Variants in HIPK2 observed in about 807,000 individuals in gnomAD.
HIPK2 encodes the protein homeodomain interacting protein kinase 2.
Under a neutral mutation model 113.7 loss-of-function variants are expected in HIPK2, and 27 were observed. The ratio of observed to expected loss-of-function variants is 0.24; its 90% CI spans 0.17 to 0.33. The LOEUF (loss-of-function observed/expected upper bound fraction) is 0.33, where lower values mean the gene tolerates loss of function less well. Among genes scored for constraint, HIPK2 ranks in the 10% least tolerant of loss-of-function variants. The pLI, the probability that HIPK2 is intolerant of heterozygous loss-of-function variation, is 1.00. For synonymous variants in HIPK2, 631 were observed against 642.2 expected, an observed-to-expected ratio of 0.98 and a Z score of 0.26; for missense variants, 1,257 against 1,588.0, an observed-to-expected ratio of 0.79 and a Z score of 3.54.
In HIPK2 at chr7:139,716,211, A is replaced by G. The variant is rs1795232308; in HGVS notation, c.824T>C (p.Leu275Ser). 1 of 1,614,060 alleles carries G rather than the reference A, an allele frequency of 6.2e-7. No homozygotes were observed. The highest frequency in any genetic ancestry group is 8.5e-7 in the Non-Finnish European group (1 of 1,179,898). ...GTTCTGCTCCAACATCTCGAAGACCAAGCACGTGTGGTTCTTGTGCTGGAA... is the reference window on the plus strand; with the variant it reads ...GTTCTGCTCCAACATCTCGAAGACCGAGCACGTGTGGTTCTTGTGCTGGAA... The part of the protein sequence containing the change: ...ECFQHKNHTC[L>S]VFEMLEQNLY... The change falls in exon 2 of 15, where the codon TTG becomes TCG. Residue 275 changes from leucine to serine, a missense_variant. Transcript: ENST00000406875. This position sits in a 1 kb window ranked among gnomAD's most constrained non-coding sequence, Gnocchi z 9.3.
At chr7:139,649,436 A>C (rs6969911) in intron 2 of HIPK2, among the ~76,000 whole-genome samples, 19,031 of 152,166 alleles carry the variant, frequency 0.13, 1,377 homozygotes, top group South Asian at 0.2. Flanking sequence ...CTAGGGGAAA[A>C]CACACTGGGG....
At chr7:139,681,525 C>T (rs1802699031) in intron 2 of HIPK2, among the ~76,000 whole-genome samples, 1 of 152,180 alleles carries the variant, frequency 6.6e-6, no homozygotes, top group Admixed American at 6.5e-5. Context: ...GCTGCACTCC[C>T]CTCGCCTCCT....
At chr7:139,616,463 C>T (rs1800046764) in intron 7 of HIPK2, among the ~76,000 whole-genome samples, 1 of 152,170 alleles carries the variant, frequency 6.6e-6, no homozygotes, top group South Asian at 2.1e-4. Flanking sequence ...AGACTTATCT[C>T]CCTCTGCTCT....
chr7:139,624,771 C>G (rs1215140324), intron 6 of HIPK2, among the ~76,000 whole-genome samples: 3 of 152,198 alleles, frequency 2.0e-5, no homozygotes, highest in Non-Finnish European at 4.4e-5. Flanking sequence ...GTCAATCTGT[C>G]TTCTTCTCTT....
intron 1 of HIPK2, among the ~76,000 whole-genome samples, chr7:139,774,696 ACTTGG>A (rs1324644105): frequency 6.6e-6 from 1 of 152,164 alleles, no homozygotes; most frequent in Non-Finnish European, 1.5e-5. Flanking sequence ...AACATAAATA[ACTTGG>A]AATTTAGGCT....
chr7:139,620,530 G>A lies in HIPK2; in HGVS notation c.1653C>T (p.Cys551=), dbSNP rs748915910. The change falls in exon 7 of 15, where the codon TGC becomes TGT. Residue 551 remains cysteine, a synonymous_variant. Transcript: ENST00000406875. The stretch of plus-strand genomic sequence containing the variant: ...TGTCATACATATTCACCCGACGCTT[G>A]CAGATCTCCATGTTCTGGAAACATG... ...VKSCFQNMEI[C]KRRVNMYDTV... is the part of the protein sequence containing the mutation. 2.5e-6 allele frequency: 4 copies of A among 1,614,042 alleles called. No homozygotes were observed. The highest frequency in any genetic ancestry group is 2.2e-5 in the East Asian group (1 of 44,890).
intron 2 of HIPK2, among the ~76,000 whole-genome samples, chr7:139,701,210 G>T (rs1794696948): frequency 6.6e-6 from 1 of 152,184 alleles, no homozygotes; most frequent in African/African-American, 2.4e-5. Context: ...AAGTCGGGTG[G>T]TGTCTGGAGA....
intron 2 of HIPK2, among the ~76,000 whole-genome samples, chr7:139,639,664 C>T (rs1800937143): frequency 1.3e-5 from 2 of 152,100 alleles, no homozygotes; most frequent in African/African-American, 4.8e-5. Context: ...GGGGTGGCTA[C>T]CACACACAGA....
At chr7:139,767,218 ATT>A (rs1796567346) in intron 1 of HIPK2, among the ~76,000 whole-genome samples, 1 of 152,384 alleles carries the variant, frequency 6.6e-6, no homozygotes, top group African/African-American at 2.4e-5. Flanking sequence ...GACCTACTGA[ATT>A]AGAGACTCTG....
At chr7:139,573,471 A>T in intron 14 of HIPK2, 74 bp from the exon 15 acceptor site, 1 of 1,357,800 alleles carries the variant, frequency 7.4e-7, no homozygotes, top group Non-Finnish European at 1.0e-6. Context: ...GAGGGGCAGG[A>T]GGGCAGGGAG....
rs527513456 is a variant in HIPK2, at chr7:139,608,558, T to C, written c.2113-4335A>G. Among the ~76,000 whole-genome samples, 41 of 152,230 alleles carry C rather than the reference T, an allele frequency of 2.7e-4. No individual in the cohort carries two copies. In the South Asian group the frequency reaches 8.1e-3, roughly 30 times the overall value. ...CAAAAATAACTTCCCCAAAGCCATA[T>C]AGCCAGTAAGTGGTGAGGCAGCCAT... is the stretch of plus-strand genomic sequence containing the variant. On this transcript the variant is annotated intron_variant, in intron 9 of 14. Coordinates refer to ENST00000406875, the MANE Select transcript of HIPK2 (RefSeq NM_022740.5).
intron 9 of HIPK2, among the ~76,000 whole-genome samples, chr7:139,609,525 T>C (rs1249990131): frequency 6.6e-5 from 10 of 152,250 alleles, no homozygotes; most frequent in Non-Finnish European, 8.8e-5. Context: ...TGTCAACTTT[T>C]TGAATACATT....
intron 2 of HIPK2, among the ~76,000 whole-genome samples, chr7:139,676,201 T>C (rs1294648088): frequency 6.6e-6 from 1 of 152,184 alleles, no homozygotes; most frequent in African/African-American, 2.4e-5. Context: ...CATCTACTCA[T>C]CTCTGCTGAC....
chr7:139,669,873 G>A (rs560343904), intron 2 of HIPK2, among the ~76,000 whole-genome samples: 66 of 152,246 alleles, frequency 4.3e-4, no homozygotes, highest in African/African-American at 1.5e-3. Flanking sequence ...AGGTCAACAC[G>A]AAAGCCAGGC....
chr7:139,635,484 T>A (rs1800779804), intron 2 of HIPK2, among the ~76,000 whole-genome samples: 1 of 152,164 alleles, frequency 6.6e-6, no homozygotes, highest in Non-Finnish European at 1.5e-5. Flanking sequence ...AAAGGCACTT[T>A]AGTGATGTTC....
chr7:139,659,504 A>T (rs1801793874), intron 2 of HIPK2, among the ~76,000 whole-genome samples: 1 of 152,224 alleles, frequency 6.6e-6, no homozygotes, highest in African/African-American at 2.4e-5. Flanking sequence ...CAGCTTGTGC[A>T]CGGATAGAGA....
intron 12 of HIPK2, among the ~76,000 whole-genome samples, chr7:139,584,475 G>T (rs1798773398): frequency 6.6e-6 from 1 of 152,228 alleles, no homozygotes; most frequent in Non-Finnish European, 1.5e-5. Flanking sequence ...AGCAACCTGG[G>T]GACCTGGGTT....
At position 139,620,205 on chromosome 7, in the gene HIPK2, C is replaced by A. The variant is rs949746421; in HGVS notation, c.1782+196G>T. On this transcript the variant is annotated intron_variant, in intron 7 of 14. Coordinates refer to ENST00000406875, the MANE Select transcript of HIPK2 (RefSeq NM_022740.5). ...GGCCCTCACCAGTCCTTTCTGGGAC[C>A]TGTCAATGGGGCCAGAAGTCAACAC... 3.9e-5 allele frequency among the ~76,000 whole-genome samples: 6 copies of A among 152,188 alleles called. 1 individual carries two copies. Among genetic ancestry groups the A allele is most frequent in the Non-Finnish European group, 8.8e-5 (6 of 68,034 alleles).
In HIPK2 at chr7:139,714,314, T is replaced by A. The variant is rs747100879; in HGVS notation, c.1103+1618A>T. ...GGTGAAGAGGCCTCGAAACCTCCTG[T>A]GTGAGTCAGGATTAGGATGAAAGGA... On this transcript the variant is annotated intron_variant, in intron 2 of 14. Coordinates refer to ENST00000406875, the MANE Select transcript of HIPK2 (RefSeq NM_022740.5). This position sits in a 1 kb window ranked among gnomAD's most constrained non-coding sequence, Gnocchi z 4.2. Among the ~76,000 whole-genome samples the A allele has an allele frequency of 6.6e-5, 10 of 151,914 alleles. No homozygotes were observed. The highest frequency in any genetic ancestry group is 1.3e-4 in the Non-Finnish European group (9 of 67,970).
Sources: gnomAD v4.1 joint callset for allele counts (sites outside exome capture counted in the v4.1 genomes callset) on GRCh38, gnomAD v4.1.1 for gene constraint, Gnocchi (gnomAD v3.1) non-coding constraint, MANE v1.5 for transcripts, NCBI Gene and HGNC (gene_info 2026-07-23, HGNC 2026-07-21) for gene names.